TANGO6: variants seen among roughly 807,000 people sequenced by gnomAD.
TANGO6 encodes the protein transport and Golgi organization protein 6 homolog.
Under a neutral mutation model 114.2 loss-of-function variants are expected in TANGO6, and 90 were observed. The ratio of observed to expected loss-of-function variants is 0.79; its 90% CI spans 0.66 to 0.94. The LOEUF (loss-of-function observed/expected upper bound fraction) is 0.94, where lower values mean the gene tolerates loss of function less well. Ranked by LOEUF, TANGO6 falls within the 40% of genes least tolerant of loss-of-function variation. The pLI is 0.00. For missense variants in TANGO6, 1,274 were observed against 1,315.3 expected, an observed-to-expected ratio of 0.97 and a Z score of 0.49; for synonymous variants, 477 against 509.8, an observed-to-expected ratio of 0.94 and a Z score of 0.87.
At chr16:68,953,276 T>G (rs1597034630) in intron 14 of TANGO6, among the ~76,000 whole-genome samples, 1 of 151,918 alleles carries the variant, frequency 6.6e-6, no homozygotes, top group Non-Finnish European at 1.5e-5. Context: ...AGAGACAGGG[T>G]TTCGCCATGT....
At position 68,843,841 on chromosome 16, in the gene TANGO6, G is replaced by C. The variant is rs377470807; in HGVS notation, c.94+130G>C. ...CGGGACCCTCCGCCCGCTGCTGGGG[G>C]CTTTGAGCATTGTCTATGCCCGTCC... On this transcript the variant is annotated intron_variant, in intron 1 of 17. Transcript: ENST00000261778. The C allele has an allele frequency of 5.8e-5, 48 of 834,560 alleles. 1 individual carries two copies. In the East Asian group the frequency reaches 6.0e-4, roughly 10 times the overall value. 51.7% of individuals were successfully genotyped at this position (834,560 alleles called of 1,614,324 possible).
chr16:68,930,472 A>G (rs1031781968), intron 14 of TANGO6, among the ~76,000 whole-genome samples, 177 bp downstream of exon 14: 1 of 152,116 alleles, frequency 6.6e-6, no homozygotes, highest in Non-Finnish European at 1.5e-5. Context: ...AGGGTTTCCA[A>G]AGAGTCCCTA....
At chr16:68,905,230 C>CA (rs1003510004) in intron 9 of TANGO6, among the ~76,000 whole-genome samples, 58 of 140,016 alleles carry the variant, frequency 4.1e-4, no homozygotes, top group African/African-American at 1.1e-3. Context: ...AACTGTGTCT[C>CA]AAAAAAAAAT....
At chr16:68,978,107 T>C (rs950025810) in intron 15 of TANGO6, among the ~76,000 whole-genome samples, 1 of 152,198 alleles carries the variant, frequency 6.6e-6, no homozygotes, top group Admixed American at 6.5e-5. Flanking sequence ...TAAATCATTC[T>C]CTCATAGTAG....
intron 14 of TANGO6, among the ~76,000 whole-genome samples, chr16:68,949,271 T>C (rs1963446851): frequency 6.6e-6 from 1 of 152,242 alleles, no homozygotes. Context: ...CGTAGCTTTC[T>C]GTATAGAACT....
chr16:68,927,612 G>T lies in TANGO6; in HGVS notation c.2172G>T (p.Leu724=), dbSNP rs1963183515. The change falls in exon 13 of 18, where the codon CTG becomes CTT. Residue 724 remains leucine, a synonymous_variant. Transcript: ENST00000261778. ...CTGTTCTGAAGCAGTTGTTGCCTCTGTTGGAGAAGGTATCCAACACATACC... is the reference window on the plus strand; with the variant it reads ...CTGTTCTGAAGCAGTTGTTGCCTCTTTTGGAGAAGGTATCCAACACATACC... ...DFAVLKQLLP[L]LEKVSNTYPD... 6.2e-7 allele frequency: 1 copy of T among 1,613,852 alleles called. No individual in the cohort carries two copies. Among genetic ancestry groups the T allele is most frequent in the African/African-American group, 1.3e-5 (1 of 74,924 alleles).
At chr16:68,871,632 T>C (rs911824619) in intron 4 of TANGO6, among the ~76,000 whole-genome samples, 7 of 152,128 alleles carry the variant, frequency 4.6e-5, no homozygotes, top group African/African-American at 1.7e-4. Flanking sequence ...AATTTTTTTT[T>C]CCCCAGAGAC....
intron 16 of TANGO6, among the ~76,000 whole-genome samples, chr16:69,037,560 G>A (rs1959709259): frequency 6.6e-6 from 1 of 152,210 alleles, no homozygotes; most frequent in Admixed American, 6.5e-5. Context: ...CTCTTACCTT[G>A]TAAATACTAA....
chr16:69,083,408 G>A, intron 17 of TANGO6, 77 bp from the exon 18 acceptor site: 1 of 1,458,642 alleles, frequency 6.9e-7, no homozygotes, highest in South Asian at 1.4e-5. Context: ...TCCTCAGGCA[G>A]GAGGAGAGGG....
intron 6 of TANGO6, 110 bp downstream of exon 6, chr16:68,878,390 C>A: frequency 7.8e-7 from 1 of 1,290,188 alleles, no homozygotes; most frequent in Non-Finnish European, 1.0e-6. Context: ...TTTTCCTTCC[C>A]CTCCCCCCAA....
chr16:69,078,331 G>A (rs554402204), intron 17 of TANGO6, among the ~76,000 whole-genome samples: 13 of 152,254 alleles, frequency 8.5e-5, no homozygotes, highest in African/African-American at 2.2e-4. Context: ...CAGGAATATC[G>A]AAAGATGGAA....
chr16:69,028,434 A>C (rs1959540433), intron 16 of TANGO6, among the ~76,000 whole-genome samples: 1 of 152,016 alleles, frequency 6.6e-6, no homozygotes, highest in South Asian at 2.1e-4. Context: ...GTTCAAGACC[A>C]ACCTGGCCAA....
At chr16:68,866,707 T>TG (rs1962183309) in intron 3 of TANGO6, among the ~76,000 whole-genome samples, 1 of 149,294 alleles carries the variant, frequency 6.7e-6, no homozygotes, top group African/African-American at 2.5e-5. Flanking sequence ...GACGCTGAGG[T>TG]GGGTGGATCA....
chr16:69,072,302 G>A (rs1264729743), intron 17 of TANGO6, among the ~76,000 whole-genome samples: 1 of 152,208 alleles, frequency 6.6e-6, no homozygotes, highest in South Asian at 2.1e-4. Flanking sequence ...ACCACTGACT[G>A]CAAGCAGCTA....
At chr16:68,967,614 T>A (rs1039195317) in intron 14 of TANGO6, among the ~76,000 whole-genome samples, 1 of 152,256 alleles carries the variant, frequency 6.6e-6, no homozygotes, top group Non-Finnish European at 1.5e-5. Context: ...TTGCCTATTC[T>A]GGACATTTCA....
chr16:68,882,492 G>A (rs779760618), intron 7 of TANGO6, among the ~76,000 whole-genome samples: 12 of 149,896 alleles, frequency 8.0e-5, no homozygotes, highest in East Asian at 2.0e-4. Context: ...GCGAGACTCC[G>A]TCTCAAAAAA....
intron 17 of TANGO6, among the ~76,000 whole-genome samples, chr16:69,080,660 G>A (rs190075176): frequency 6.6e-6 from 1 of 152,288 alleles, no homozygotes; most frequent in East Asian, 1.9e-4. Context: ...AAACAGCTAG[G>A]AGTCTGGAGT....
intron 15 of TANGO6, among the ~76,000 whole-genome samples, chr16:69,003,861 C>G (rs12103365): frequency 0.086 from 13,040 of 152,024 alleles, 648 homozygotes; most frequent in African/African-American, 0.13. Flanking sequence ...TTCTTTATAG[C>G]CTTCCTTATC....
chr16:69,034,162 G>T, intron 16 of TANGO6: 1 of 153,718 alleles, frequency 6.5e-6, no homozygotes, highest in South Asian at 1.9e-4. Context: ...GTTACTGGGG[G>T]AACAAGATCG....
Sources: allele counts gnomAD v4.1 joint callset (sites outside exome capture counted in the v4.1 genomes callset), GRCh38; gene constraint gnomAD v4.1.1; transcripts MANE v1.5; gene names NCBI Gene and HGNC (gene_info 2026-07-23, HGNC 2026-07-21).